Variants in ZC3H11A observed in about 807,000 individuals in gnomAD.
ZC3H11A encodes zinc finger CCCH domain-containing protein 11A.
In ZC3H11A, 22 loss-of-function variants were observed where a neutral mutation model predicts 90.8. The observed-to-expected ratio is 0.24, with a 90% CI of 0.17 to 0.35. The LOEUF (loss-of-function observed/expected upper bound fraction) is 0.35, where lower values mean the gene tolerates loss of function less well. Ranked by LOEUF, ZC3H11A falls within the 10% of genes least tolerant of loss-of-function variation. The pLI, the probability that ZC3H11A is intolerant of heterozygous loss-of-function variation, is 1.00. For missense variants in ZC3H11A, 701 were observed against 964.9 expected, an observed-to-expected ratio of 0.73 and a Z score of 3.62; for synonymous variants, 294 against 339.8, an observed-to-expected ratio of 0.87 and a Z score of 1.48.
intron 17 of ZC3H11A, 31 bp downstream of exon 17, chr1:203,851,155 T>C (rs779960610): frequency 1.9e-6 from 3 of 1,603,696 alleles, no homozygotes; most frequent in Non-Finnish European, 2.6e-6. Flanking sequence ...CTAAACAAAC[T>C]CCAGGCCCCT....
chr1:203,846,444 C>G (rs1427772676), intron 12 of ZC3H11A, among the ~76,000 whole-genome samples: 2 of 152,088 alleles, frequency 1.3e-5, no homozygotes, highest in African/African-American at 4.8e-5. Flanking sequence ...TCTTTTTATC[C>G]TTTAAATTTA....
intron 1 of ZC3H11A, 83 bp downstream of exon 1, chr1:203,795,877 C>T (rs921651459): frequency 4.6e-5 from 7 of 151,894 alleles, no homozygotes; most frequent in African/African-American, 1.5e-4. Context: ...GCAGCGGCCT[C>T]CCCTCGCCCC....
rs1325788352 is a variant in ZC3H11A at position 203,828,296 on chromosome 1, C to T, written c.175-3C>T. 2 of 1,613,908 alleles carry T rather than the reference C, an allele frequency of 1.2e-6. No homozygotes were observed. The highest frequency in any genetic ancestry group is 8.5e-7 in the Non-Finnish European group (1 of 1,179,918). On this transcript the variant is annotated splice_polypyrimidine_tract_variant and splice_region_variant and intron_variant, in intron 4 of 17. Coordinates refer to ENST00000367210, the MANE Select transcript of ZC3H11A (RefSeq NM_001376342.1). Reference sequence around the variant, plus strand: ...GAAAGCAATGTGTTTTTCCCTCTTACAGAAAAAACGCAGTGAAATTCCTTG... The same window carrying T: ...GAAAGCAATGTGTTTTTCCCTCTTATAGAAAAAACGCAGTGAAATTCCTTG...
At chr1:203,799,934 A>C (rs1670017050) in intron 1 of ZC3H11A, 11 of 1,536,126 alleles carry the variant, frequency 7.2e-6, no homozygotes, top group Non-Finnish European at 9.6e-6. Context: ...ATTATATGGA[A>C]TCTTCACCAG....
At chr1:203,833,010 G>T (rs1489560328) in intron 9 of ZC3H11A, among the ~76,000 whole-genome samples, 2 of 152,016 alleles carry the variant, frequency 1.3e-5, no homozygotes, top group African/African-American at 4.8e-5. Context: ...GAGGCGGGCG[G>T]ATCGCTTGAG....
At chr1:203,805,892 T>C in intron 2 of ZC3H11A, 2 of 727,954 alleles carry the variant, frequency 2.7e-6, no homozygotes, top group Middle Eastern at 2.5e-4. Flanking sequence ...AAATTCTCAA[T>C]CTGGTCAGTT....
At chr1:203,829,957 T>G (rs1380344923) in intron 7 of ZC3H11A, 61 bp downstream of exon 7, 1 of 1,480,560 alleles carries the variant, frequency 6.8e-7, no homozygotes, top group Non-Finnish European at 9.4e-7. Flanking sequence ...TGAAATTTAG[T>G]TCACAATCAT....
intron 12 of ZC3H11A, 98 bp from the exon 13 acceptor site, chr1:203,847,086 C>A: frequency 1.6e-6 from 2 of 1,269,608 alleles, no homozygotes; most frequent in Non-Finnish European, 2.2e-6. Context: ...TAAATGATAG[C>A]TCTCTGTTGG....
At chr1:203,800,409 G>A in intron 1 of ZC3H11A, 3 of 1,248,124 alleles carry the variant, frequency 2.4e-6, no homozygotes, top group Non-Finnish European at 3.4e-6. Flanking sequence ...TCTGAGCTGG[G>A]ATCCTGAGCA....
Position 203,817,068 on chromosome 1 carries a change from A to G in ZC3H11A, c.-3A>G. 2 of 1,606,952 alleles carry G rather than the reference A, an allele frequency of 1.2e-6. No individual in the cohort carries two copies. The highest frequency in any genetic ancestry group is 1.1e-5 in the South Asian group (1 of 89,776). ...CCACTTCTGATCTAAGAATCTACCCAGCATGCCTAATCAAGGAGAAGACTG... is the reference window on the plus strand; with the variant it reads ...CCACTTCTGATCTAAGAATCTACCCGGCATGCCTAATCAAGGAGAAGACTG... On this transcript the variant is annotated 5_prime_UTR_variant, in exon 3 of 18. Coordinates refer to ENST00000367210, the MANE Select transcript of ZC3H11A (RefSeq NM_001376342.1).
chr1:203,799,372 G>C (rs1669800784), intron 1 of ZC3H11A: 1 of 703,658 alleles, frequency 1.4e-6, no homozygotes, highest in Non-Finnish European at 2.6e-6. Flanking sequence ...CATCATTTTA[G>C]TCATTCGGTC....
intron 4 of ZC3H11A, among the ~76,000 whole-genome samples, chr1:203,824,762 A>G (rs1470880877): frequency 1.3e-5 from 2 of 152,120 alleles, no homozygotes; most frequent in Non-Finnish European, 2.9e-5. Flanking sequence ...AGTAGAAGAA[A>G]GCTGTGATGT....
intron 10 of ZC3H11A, among the ~76,000 whole-genome samples, chr1:203,837,666 C>T (rs1437007836): frequency 6.6e-6 from 1 of 151,998 alleles, no homozygotes; most frequent in Non-Finnish European, 1.5e-5. Flanking sequence ...GTTTTAGAGA[C>T]AAGGTCTTGC....
At chr1:203,850,945 C>G (rs1208762895) in intron 16 of ZC3H11A, 112 bp from the exon 17 acceptor site, 2 of 1,318,784 alleles carry the variant, frequency 1.5e-6, no homozygotes, top group African/African-American at 3.0e-5. Flanking sequence ...TTCTTAGATT[C>G]ACAGGCTTAA....
At chr1:203,811,920 A>G (rs1674623953) in intron 2 of ZC3H11A, among the ~76,000 whole-genome samples, 1 of 150,694 alleles carries the variant, frequency 6.6e-6, no homozygotes, top group Non-Finnish European at 1.5e-5. Context: ...TGTTCAAGTG[A>G]TTCTCACACC....
chr1:203,815,152 A>G (rs1387070800), intron 2 of ZC3H11A, among the ~76,000 whole-genome samples: 3 of 150,338 alleles, frequency 2.0e-5, no homozygotes, highest in Non-Finnish European at 4.4e-5. Flanking sequence ...TTTTAAAAAT[A>G]GTCTCCAGTT....
intron 2 of ZC3H11A, among the ~76,000 whole-genome samples, chr1:203,807,783 G>A (rs530536945): frequency 6.5e-4 from 99 of 151,932 alleles, no homozygotes; most frequent in Non-Finnish European, 1.1e-3. Flanking sequence ...GCTCTGTTGC[G>A]CAGACCAGAG....
At chr1:203,846,427 T>C (rs1687927829) in intron 12 of ZC3H11A, among the ~76,000 whole-genome samples, 1 of 152,170 alleles carries the variant, frequency 6.6e-6, no homozygotes, top group African/African-American at 2.4e-5. Context: ...TGTCACCTGT[T>C]TTACCTTCTT....
chr1:203,844,172 A>G (rs1402793864), intron 12 of ZC3H11A, among the ~76,000 whole-genome samples: 1 of 143,638 alleles, frequency 7.0e-6, no homozygotes, highest in African/African-American at 2.6e-5. Context: ...TTTTATTTTT[A>G]TTTTTGTTTG....
Sources: allele counts gnomAD v4.1 joint callset (sites outside exome capture counted in the v4.1 genomes callset), GRCh38; gene constraint gnomAD v4.1.1; transcripts MANE v1.5; gene names NCBI Gene and HGNC (gene_info 2026-07-23, HGNC 2026-07-21).